The following DNMT3B variants were observed in gnomAD, a reference collection of about 807,000 sequenced individuals.
DNMT3B encodes the protein DNA (cytosine-5)-methyltransferase 3B.
Under a neutral mutation model 120.2 loss-of-function variants are expected in DNMT3B, and 37 were observed. The observed-to-expected ratio is 0.31, with a 90% CI of 0.24 to 0.40. The LOEUF (loss-of-function observed/expected upper bound fraction) is 0.40. DNMT3B is among the 10% of genes least tolerant of loss of function. The pLI, the probability that DNMT3B is intolerant of heterozygous loss-of-function variation, is 1.00. For missense variants in DNMT3B, 878 were observed against 1,137.3 expected (o/e 0.77, Z 3.28); for synonymous variants, 412 against 442.8 (o/e 0.93, Z 0.87).
chr20:32,779,116 C>A (rs1988233771), intron 1 of DNMT3B, among the ~76,000 whole-genome samples: 2 of 152,148 alleles, frequency 1.3e-5, no homozygotes, highest in African/African-American at 2.4e-5. Flanking sequence ...AGGCACGGTT[C>A]CAGGACACAA....
chr20:32,763,002 C>T, intron 1 of DNMT3B, among the ~76,000 whole-genome samples: 1 of 152,086 alleles, frequency 6.6e-6, no homozygotes, highest in Non-Finnish European at 1.5e-5. Flanking sequence ...AGGAGAGAAG[C>T]TTGCTCGCAG....
rs1011728544 is a variant in DNMT3B at position 32,805,256 on chromosome 20, A to G, written c.2232-82A>G. 3.3e-5 allele frequency: 50 copies of G among 1,537,502 alleles called. 1 individual carries two copies. The highest frequency in any genetic ancestry group is 3.9e-5 in the Non-Finnish European group (43 of 1,110,336). On this transcript the variant is annotated intron_variant, in intron 20 of 22. Transcript: ENST00000328111. The stretch of plus-strand genomic sequence containing the variant: ...TTCACTGCCAGGGCACATCTCTGCA[A>G]CATAGACCCTCACTCCCACCTTGTG...
intron 1 of DNMT3B, among the ~76,000 whole-genome samples, chr20:32,774,967 C>A (rs571355498): frequency 4.6e-5 from 7 of 152,032 alleles, no homozygotes; most frequent in Non-Finnish European, 7.4e-5. Context: ...AGTGATCAAC[C>A]CGCTTCAGCC....
intron 6 of DNMT3B, 128 bp downstream of exon 6, chr20:32,787,579 C>A: frequency 9.2e-7 from 1 of 1,090,348 alleles, no homozygotes; most frequent in Non-Finnish European, 1.4e-6. Context: ...TAATAATTGA[C>A]ATGTTTGAAT....
chr20:32,803,326 C>T (rs1261080530), intron 20 of DNMT3B, among the ~76,000 whole-genome samples: 1 of 151,880 alleles, frequency 6.6e-6, no homozygotes, highest in Non-Finnish European at 1.5e-5. Flanking sequence ...AAACATTCTC[C>T]TGTAGAAGGA....
chr20:32,764,779 A>G (rs4911253), intron 1 of DNMT3B, among the ~76,000 whole-genome samples: 94,051 of 152,084 alleles, frequency 0.62, 32,391 homozygotes, highest in East Asian at 0.99. Context: ...TCTTAAAGTC[A>G]TAGACATAAC....
intron 3 of DNMT3B, among the ~76,000 whole-genome samples, chr20:32,782,631 G>A (rs771654075): frequency 2.0e-5 from 3 of 152,162 alleles, no homozygotes; most frequent in Non-Finnish European, 2.9e-5. Context: ...CATTCATATG[G>A]CTTTTATTAA....
In DNMT3B at chr20:32,798,525, A is replaced by C; in HGVS notation, c.1556A>C (p.Gln519Pro). The C allele has an allele frequency of 6.2e-7, 1 of 1,614,218 alleles. No homozygotes were observed. The highest frequency in any genetic ancestry group is 1.1e-5 in the South Asian group (1 of 91,086). Residue 519 changes from glutamine (Q) to proline (P), a missense_variant, in exon 15 of 23, where the codon CAG becomes CCG. Transcript: ENST00000328111. ...GGCACAGCGGCCGAGGCCAAGCTTC[A>C]GGAGCCCTGGAGCTGTTACATGTGT... ...GTGTAAEAKLQEPWSCYMCLP... is the reference protein window; with the variant it reads ...GTGTAAEAKLPEPWSCYMCLP...
intron 1 of DNMT3B, among the ~76,000 whole-genome samples, chr20:32,769,314 C>T (rs1987577496): frequency 6.6e-6 from 1 of 152,134 alleles, no homozygotes; most frequent in South Asian, 2.1e-4. Flanking sequence ...GTCTTGATCT[C>T]CTGACCTCGT....
intron 3 of DNMT3B, among the ~76,000 whole-genome samples, chr20:32,782,563 A>G (rs1978753341): frequency 1.3e-5 from 2 of 152,264 alleles, no homozygotes; most frequent in Admixed American, 1.3e-4. Context: ...GTCATAAACC[A>G]TGGAAGGACA....
At chr20:32,785,763 G>C (rs1021975658) in intron 4 of DNMT3B, among the ~76,000 whole-genome samples, 6 of 152,298 alleles carry the variant, frequency 3.9e-5, no homozygotes, top group African/African-American at 4.8e-5. Flanking sequence ...TGGAGCCTAA[G>C]GAATTCTATT....
chr20:32,773,298 G>A, intron 1 of DNMT3B, among the ~76,000 whole-genome samples: 1 of 152,126 alleles, frequency 6.6e-6, no homozygotes, highest in East Asian at 1.9e-4. Flanking sequence ...ACACTCTTCT[G>A]ATAATTCTGC....
intron 12 of DNMT3B, among the ~76,000 whole-genome samples, chr20:32,796,063 T>C (rs564514858): frequency 8.5e-5 from 13 of 152,334 alleles, no homozygotes; most frequent in Admixed American, 7.2e-4. Context: ...TTGCCCTGGC[T>C]GGGGATTGCC....
chr20:32,767,274 T>A (rs1987437422), intron 1 of DNMT3B, among the ~76,000 whole-genome samples: 1 of 152,032 alleles, frequency 6.6e-6, no homozygotes, highest in African/African-American at 2.4e-5. Context: ...ATTGTAGGGT[T>A]TAGTGTTCCC....
chr20:32,767,425 G>GT (rs1317123377), intron 1 of DNMT3B, among the ~76,000 whole-genome samples: 152 of 146,954 alleles, frequency 1.0e-3, no homozygotes, highest in Non-Finnish European at 1.4e-3. Flanking sequence ...TCTTGTGTGT[G>GT]TTTTTTTTTT....
chr20:32,797,130 G>T, intron 13 of DNMT3B, 57 bp from the exon 14 acceptor site: 5 of 1,608,040 alleles, frequency 3.1e-6, no homozygotes, highest in Non-Finnish European at 4.2e-6. Flanking sequence ...CAGCAAGCCG[G>T]CAGGGCCTGC....
intron 12 of DNMT3B, 24 bp downstream of exon 12, chr20:32,795,718 A>G (rs2146005200): frequency 6.2e-7 from 1 of 1,613,890 alleles, no homozygotes. Context: ...CCTCCCAGTC[A>G]TCCCCCTCAC....
intron 1 of DNMT3B, among the ~76,000 whole-genome samples, chr20:32,765,587 A>G (rs931310757): frequency 6.7e-6 from 1 of 149,466 alleles, no homozygotes; most frequent in African/African-American, 2.5e-5. Context: ...CGCCTGGCTA[A>G]TTTTTGTATT....
intron 1 of DNMT3B, 123 bp from the exon 2 acceptor site, chr20:32,780,195 G>A (rs776425195): frequency 1.2e-6 from 2 of 1,612,908 alleles, no homozygotes; most frequent in South Asian, 2.2e-5. Context: ...TTGGGCAAGA[G>A]CATCACCCTA....
Sources: gnomAD v4.1 joint callset for allele counts (sites outside exome capture counted in the v4.1 genomes callset) on GRCh38, gnomAD v4.1.1 for gene constraint, MANE v1.5 for transcripts, NCBI Gene and HGNC (gene_info 2026-07-23, HGNC 2026-07-21) for gene names.